The following DMBT1 variants were observed in gnomAD, a reference collection of about 807,000 sequenced individuals.
The protein encoded by DMBT1 is scavenger receptor cysteine-rich domain-containing protein DMBT1.
A neutral mutation model predicts 252.9 loss-of-function variants in DMBT1; 198 were observed. The ratio of observed to expected loss-of-function variants is 0.78; its 90% CI spans 0.70 to 0.88. The LOEUF is 0.88. Ranked by LOEUF, DMBT1 falls within the 40% of genes least tolerant of loss-of-function variation. The pLI is 0.00. For synonymous variants in DMBT1, 990 were observed against 942.7 expected (o/e 1.05, Z -0.92); for missense variants, 2,432 against 2,404.7 (o/e 1.01, Z -0.24).
Position 122,640,069 on chromosome 10 carries a change from C to T in DMBT1, c.6972C>T (p.Asn2324=). The change falls in exon 55 of 56, where the codon AAC becomes AAT. Residue 2324 remains asparagine, a synonymous_variant. Transcript: ENST00000338354. Reference sequence around the variant, plus strand: ...ACAATGACACCATCGACTATTCCAACTTCCTCACAGCAGCTGTCTCAGGTG... The same window carrying T: ...ACAATGACACCATCGACTATTCCAATTTCCTCACAGCAGCTGTCTCAGGTG... ...QADNDTIDYS[N]FLTAAVSGGI... The T allele has an allele frequency of 6.2e-7, 1 of 1,614,020 alleles. No homozygotes were observed. The highest frequency in any genetic ancestry group is 8.5e-7 in the Non-Finnish European group (1 of 1,179,876).
At chr10:122,593,492 T>C (rs1210437346) in intron 20 of DMBT1, 77 bp from the exon 21 acceptor site, 7 of 1,454,930 alleles carry the variant, frequency 4.8e-6, no homozygotes, top group Non-Finnish European at 6.7e-6. Context: ...ACTCGCTCAT[T>C]TCTTTCCCTC....
intron 52 of DMBT1, among the ~76,000 whole-genome samples, chr10:122,634,458 C>CT (rs2098207136): frequency 1.9e-5 from 2 of 102,630 alleles, no homozygotes; most frequent in South Asian, 4.1e-4. Flanking sequence ...CTCTCTCTCT[C>CT]TCTCTCTCTC....
intron 55 of DMBT1, 41 bp from the exon 56 acceptor site, chr10:122,643,081 C>A (rs751906340): frequency 1.3e-6 from 2 of 1,595,192 alleles, no homozygotes; most frequent in South Asian, 1.1e-5. Flanking sequence ...AAGGAAGAAT[C>A]GGGCCTTGGT....
Position 122,586,415 on chromosome 10 carries a change from T to C in DMBT1, c.1783+32T>C, listed in dbSNP as rs188307545. On this transcript the variant is annotated intron_variant, in intron 16 of 55. Transcript: ENST00000338354. ...CTCCAAGACTTTTGGTTTCCTCTCT[T>C]GGGGTAGATTTTGCTCAGGAAGGTT... The C allele has an allele frequency of 2.9e-5, 46 of 1,585,460 alleles. 9 individuals carry two copies. In the South Asian group the frequency reaches 4.9e-4, roughly 17 times the overall value.
Position 122,599,069 on chromosome 10 carries a change from T to A in DMBT1, c.3252T>A (p.His1084Gln). 2 of 1,613,832 alleles carry A rather than the reference T, an allele frequency of 1.2e-6. No homozygotes were observed. The highest frequency in any genetic ancestry group is 2.2e-5 in the South Asian group (2 of 91,076). The change falls in exon 26 of 56, where the codon CAT (histidine) becomes CAA (glutamine). Residue 1084 changes from histidine to glutamine, a missense_variant. Coordinates refer to ENST00000338354, the MANE Select transcript of DMBT1 (RefSeq NM_001377530.1). ...GCTGGCTCTCCCACAACTGTGGCCA[T>A]AGTGAAGACGCTGGTGTCATCTGCT... ...HNGWLSHNCGHSEDAGVICSA... is the reference protein window; with the variant it reads ...HNGWLSHNCGQSEDAGVICSA...
intron 41 of DMBT1, 111 bp from the exon 42 acceptor site, chr10:122,619,197 G>A (rs1442360518): frequency 7.3e-7 from 1 of 1,372,542 alleles, no homozygotes; most frequent in African/African-American, 1.4e-5. Context: ...TCTGTGATAG[G>A]GACTAGGATG....
At position 122,599,013 on chromosome 10, in the gene DMBT1, G is replaced by A. The variant is rs762373579; in HGVS notation, c.3196G>A (p.Glu1066Lys). 9 of 1,613,646 alleles carry A rather than the reference G, an allele frequency of 5.6e-6. No individual in the cohort carries two copies. Among genetic ancestry groups the A allele is most frequent in the Middle Eastern group, 1.6e-4 (1 of 6,076 alleles). ...VLDDVRCSGH[E>K]SYLWSCPHNG... is the part of the protein sequence containing the mutation. ...GGATGATGTGCGCTGCTCAGGACAC[G>A]AGTCTTACCTGTGGAGCTGCCCCCA... Residue 1066 changes from glutamate to lysine, a missense_variant, in exon 26 of 56, where the codon GAG becomes AAG. Physicochemically the swap from Glu to Lys is moderately conservative, Grantham distance 56 (BLOSUM62 1). Around this residue, in one of 3 missense-constraint regions of DMBT1, gnomAD observed 1,264 missense variants for 1,082.2 expected, o/e 1.17. Transcript: ENST00000338354.
intron 2 of DMBT1, 27 bp from the exon 3 acceptor site, chr10:122,570,135 A>G (rs764825327): frequency 7.0e-6 from 11 of 1,582,058 alleles, no homozygotes; most frequent in East Asian, 2.2e-5. Flanking sequence ...GCTACCATCA[A>G]TGAGCTCTTC....
intron 1 of DMBT1, among the ~76,000 whole-genome samples, chr10:122,563,690 G>T (rs1425633074): frequency 6.6e-6 from 1 of 152,152 alleles, no homozygotes; most frequent in Admixed American, 6.5e-5. Context: ...CAGCTATGTG[G>T]TTGATTCTTG....
In DMBT1 at chr10:122,571,989, A is replaced by G. The variant is rs116193313; in HGVS notation, c.188-325A>G. On this transcript the variant is annotated intron_variant, in intron 4 of 55. Transcript: ENST00000338354. ...TGTCATTTGAGGGTGTGTTTGAGCT[A>G]TAGAAACAGCCAGATGTCATTTGAC... Among the ~76,000 whole-genome samples the G allele has an allele frequency of 5.6e-3, 855 of 152,372 alleles. 6 individuals carry two copies. Among genetic ancestry groups the G allele is most frequent in the African/African-American group, 0.019 (804 of 41,588 alleles).
In DMBT1 at chr10:122,576,552, G is replaced by A; in HGVS notation, c.437G>A (p.Gly146Asp). The A allele has an allele frequency of 3.7e-6, 6 of 1,613,990 alleles. No homozygotes were observed. The South Asian group carries it at 6.6e-5, about 18-fold the overall frequency. ...GTGGTCTGTAGGCAGCTGGGTTGTG[G>A]CTGGGCCATGTCAGCTCCAGGAAAT... Reference protein sequence around the residue: ...ANVVCRQLGCGWAMSAPGNAW... With the variant: ...ANVVCRQLGCDWAMSAPGNAW... The change falls in exon 7 of 56, where the codon GGC becomes GAC. Residue 146 changes from glycine (G) to aspartate (D), a missense_variant. By Grantham distance (94) the Gly-to-Asp change is moderately conservative. Coordinates refer to ENST00000338354, the MANE Select transcript of DMBT1 (RefSeq NM_001377530.1).
intron 48 of DMBT1, among the ~76,000 whole-genome samples, 199 bp from the exon 49 acceptor site, chr10:122,630,762 G>A (rs1364821209): frequency 6.6e-6 from 1 of 152,190 alleles, no homozygotes; most frequent in South Asian, 2.1e-4. Flanking sequence ...GGAGGTGAGG[G>A]GATCTGAGCT....
Position 122,601,978 on chromosome 10 carries a change from C to A in DMBT1, c.3525C>A (p.Ala1175=), listed in dbSNP as rs1385532725. 1 of 1,407,356 alleles carries A rather than the reference C, an allele frequency of 7.1e-7. No homozygotes were observed. The highest frequency in any genetic ancestry group is 9.2e-7 in the Non-Finnish European group (1 of 1,085,408). The allele number at this position is 1,407,356 out of a possible 1,614,324, so 87.2% of individuals were successfully genotyped here. The change falls in exon 29 of 56, where the codon GCC becomes GCA. Residue 1175 remains alanine (A), a synonymous_variant. Coordinates refer to ENST00000338354, the MANE Select transcript of DMBT1 (RefSeq NM_001377530.1). ...CGWAMSAPGN[A]RFGQGSGPIV... ...GGGCCATGTCAGCCCCAGGAAATGC[C>A]CGGTTTGGCCAGGGTTCAGGACCCA... is the stretch of plus-strand genomic sequence containing the variant.
At chr10:122,578,382 G>A (rs965271067) in intron 8 of DMBT1, among the ~76,000 whole-genome samples, 1 of 152,138 alleles carries the variant, frequency 6.6e-6, no homozygotes, top group African/African-American at 2.4e-5. Context: ...CTAGTATCCC[G>A]AACATTTTAG....
Position 122,630,583 on chromosome 10 carries a change from G to A in DMBT1, c.6025+93G>A, listed in dbSNP as rs915316390. The A allele has an allele frequency of 3.8e-6, 5 of 1,324,250 alleles. No homozygotes were observed. The African/African-American group carries it at 5.8e-5, about 15-fold the overall frequency. 82.0% of individuals were successfully genotyped at this position (1,324,250 alleles called of 1,614,324 possible). ...ATGGTTCCCCAAGGAAATCAAAGAA[G>A]GGCCTCAGCGATGCACGGCCCATTC... On this transcript the variant is annotated intron_variant, in intron 48 of 55. Coordinates refer to ENST00000338354, the MANE Select transcript of DMBT1 (RefSeq NM_001377530.1).
Position 122,560,801 on chromosome 10 carries a change from T to C in DMBT1, c.31T>C (p.Cys11Arg), listed in dbSNP as rs1466054323. 6.4e-7 allele frequency: 1 copy of C among 1,574,224 alleles called. No individual in the cohort carries two copies. Among genetic ancestry groups the C allele is most frequent in the Non-Finnish European group, 8.6e-7 (1 of 1,157,854 alleles). MGISTVILEM[C>R]LLWGQVLSTG... Reference sequence around the variant, plus strand: ...GATCTCCACAGTCATCCTTGAAATGTGTCTTTTATGGGGACAAGTTCTATC... The same window carrying C: ...GATCTCCACAGTCATCCTTGAAATGCGTCTTTTATGGGGACAAGTTCTATC... Residue 11 changes from cysteine (C) to arginine (R), a missense_variant, in exon 1 of 56, where the codon TGT becomes CGT. By Grantham distance (180) the Cys-to-Arg change is radical (BLOSUM62 -3). Transcript: ENST00000338354.
intron 6 of DMBT1, 82 bp from the exon 7 acceptor site, chr10:122,576,317 G>A: frequency 1.3e-6 from 2 of 1,547,782 alleles, no homozygotes; most frequent in Non-Finnish European, 1.8e-6. Context: ...CTGCCTATGG[G>A]GAAGACCCTG....
intron 54 of DMBT1, among the ~76,000 whole-genome samples, chr10:122,639,688 C>A (rs564359808): frequency 2.0e-5 from 3 of 152,096 alleles, no homozygotes; most frequent in Admixed American, 6.5e-5. Flanking sequence ...TTATTGCGGT[C>A]GTATGGTTTA....
chr10:122,578,686 AT>A (rs1172360227), intron 8 of DMBT1, 31 bp from the exon 9 acceptor site: 1 of 1,589,354 alleles, frequency 6.3e-7, no homozygotes, highest in Non-Finnish European at 8.6e-7. Context: ...TTCAAGTCCA[AT>A]TGTATCCTTT....
Sources: gnomAD v4.1 joint callset for allele counts (sites outside exome capture counted in the v4.1 genomes callset) on GRCh38, gnomAD v4.1.1 for gene constraint, gnomAD v4.1.1 regional missense constraint, MANE v1.5 for transcripts, NCBI Gene and HGNC (gene_info 2026-07-23, HGNC 2026-07-21) for gene names.